The following WDFY2 variants were observed in gnomAD, a reference collection of about 807,000 sequenced individuals.
WDFY2 encodes the protein WD repeat and FYVE domain-containing protein 2.
In WDFY2, 36 loss-of-function variants were observed where a neutral mutation model predicts 56.4. That is an observed-to-expected ratio of 0.64 (90% CI 0.49 to 0.84). WDFY2 has a LOEUF of 0.84. Ranked by LOEUF, WDFY2 falls within the 40% of genes least tolerant of loss-of-function variation. The pLI, the probability that WDFY2 is intolerant of heterozygous loss-of-function variation, is 0.00. For missense variants in WDFY2, 444 were observed against 512.2 expected (o/e 0.87, Z 1.29); for synonymous variants, 176 against 183.7 (o/e 0.96, Z 0.34).
chr13:51,620,845 T>A (rs1442096200), intron 1 of WDFY2, among the ~76,000 whole-genome samples: 1 of 152,152 alleles, frequency 6.6e-6, no homozygotes, highest in Non-Finnish European at 1.5e-5. Flanking sequence ...CAGCACTGCT[T>A]CCAAGAGGGA....
intron 7 of WDFY2, 61 bp downstream of exon 7, chr13:51,739,236 C>T (rs1018253817): frequency 1.2e-4 from 177 of 1,506,572 alleles, no homozygotes; most frequent in Non-Finnish European, 1.4e-4. Flanking sequence ...ACAGCTAGAA[C>T]AAAGGAGTGC....
At chr13:51,637,777 C>G (rs1267720825) in intron 1 of WDFY2, among the ~76,000 whole-genome samples, 1 of 152,152 alleles carries the variant, frequency 6.6e-6, no homozygotes, top group African/African-American at 2.4e-5. Context: ...GAGATGTGCT[C>G]TGCTACAAGG....
At position 51,624,743 on chromosome 13, in the gene WDFY2, T is replaced by C. The variant is rs368580238; in HGVS notation, c.138-35853T>C. ...AAAAAAGGAATGGCTAGAGCACTTC[T>C]CACAGAGGCAACATCTGAGCAAAGA... On this transcript the variant is annotated intron_variant, in intron 1 of 11. Coordinates refer to ENST00000298125, the MANE Select transcript of WDFY2 (RefSeq NM_052950.4). Among the ~76,000 whole-genome samples, 6 of 152,324 alleles carry C rather than the reference T, an allele frequency of 3.9e-5. No homozygotes were observed. The East Asian group carries it at 1.2e-3, about 29-fold the overall frequency.
chr13:51,615,782 CTATG>C (rs367848827), intron 1 of WDFY2, among the ~76,000 whole-genome samples: 10 of 151,922 alleles, frequency 6.6e-5, no homozygotes, highest in Non-Finnish European at 1.3e-4. Context: ...TAAAAAAAAT[CTATG>C]TATGCATATA....
chr13:51,585,713 C>A (rs1001152109), intron 1 of WDFY2, among the ~76,000 whole-genome samples: 15 of 152,100 alleles, frequency 9.9e-5, no homozygotes, highest in African/African-American at 3.6e-4. Flanking sequence ...AGCATTCTTA[C>A]AAAAGAACAC....
chr13:51,762,552 TTAAG>T lies in WDFY2; in HGVS notation c.*2785_*2788del, dbSNP rs1444447038. On this transcript the variant is annotated 3_prime_UTR_variant, in exon 12 of 12. Transcript: ENST00000298125. ...ATACTGTGAATTCTTGCGTTTTGCA[TTAAG>T]TGTCTCCCCCATTTTTGTAATTTGT... The T allele has an allele frequency of 6.6e-6, 1 of 152,258 alleles. No homozygotes were observed. Among genetic ancestry groups the T allele is most frequent in the Non-Finnish European group, 1.5e-5 (1 of 68,050 alleles). The allele number at this position is 152,258 out of a possible 1,614,324, so 9.4% of individuals were successfully genotyped here. A position where few individuals can be genotyped will look rare whatever the true frequency, so the allele number is the denominator to read the frequency against.
At chr13:51,644,729 G>A (rs1955234504) in intron 1 of WDFY2, among the ~76,000 whole-genome samples, 1 of 152,142 alleles carries the variant, frequency 6.6e-6, no homozygotes, top group Admixed American at 6.5e-5. Flanking sequence ...AAAAAGTCCA[G>A]GTGTATGATT....
intron 1 of WDFY2, among the ~76,000 whole-genome samples, chr13:51,606,345 G>T (rs1318545620): frequency 1.3e-5 from 2 of 152,148 alleles, no homozygotes; most frequent in Non-Finnish European, 2.9e-5. Context: ...ATTAATCCAA[G>T]AATTTATCTA....
rs56054205 is a variant in WDFY2 at position 51,707,939 on chromosome 13, C to CTTTTTTTT, written c.334+4314_334+4321dup. ...ATATATACTATTAACCCTAAAACAA[C>CTTTTTTTT]TTTTTTTTTTTTTTTTTTTTTTTTT... On this transcript the variant is annotated intron_variant, in intron 4 of 11. Coordinates refer to ENST00000298125, the MANE Select transcript of WDFY2 (RefSeq NM_052950.4). 2.6e-3 allele frequency among the ~76,000 whole-genome samples: 147 copies of CTTTTTTTT among 57,566 alleles called. 15 individuals carry two copies. Among genetic ancestry groups the CTTTTTTTT allele is most frequent in the African/African-American group, 3.1e-3 (44 of 13,980 alleles). 37.8% of individuals were successfully genotyped at this position (57,566 alleles called of 152,430 possible).
chr13:51,601,932 C>T (rs958256966), intron 1 of WDFY2, among the ~76,000 whole-genome samples: 7 of 152,186 alleles, frequency 4.6e-5, no homozygotes, highest in Non-Finnish European at 8.8e-5. Context: ...AATGACAATA[C>T]AAATTAAATA....
chr13:51,680,997 G>A (rs1955967985), intron 3 of WDFY2, among the ~76,000 whole-genome samples: 1 of 152,164 alleles, frequency 6.6e-6, no homozygotes, highest in South Asian at 2.1e-4. Context: ...TGTTGGGTTG[G>A]GGGCAGGAAT....
At chr13:51,756,574 A>G in intron 10 of WDFY2, 112 bp downstream of exon 10, 1 of 1,439,988 alleles carries the variant, frequency 6.9e-7, no homozygotes, top group Non-Finnish European at 9.1e-7. Context: ...GCTGGTTTAG[A>G]ATATAGTCCA....
chr13:51,642,374 A>G (rs964597090), intron 1 of WDFY2, among the ~76,000 whole-genome samples: 2 of 151,562 alleles, frequency 1.3e-5, no homozygotes, highest in African/African-American at 4.8e-5. Flanking sequence ...TGCAACCTCC[A>G]CCTCCCAGGC....
intron 1 of WDFY2, among the ~76,000 whole-genome samples, chr13:51,615,044 A>G (rs1053213710): frequency 2.0e-5 from 3 of 152,236 alleles, no homozygotes; most frequent in Admixed American, 6.5e-5. Context: ...TGTTCTCTCA[A>G]TTGATTTATT....
At chr13:51,669,119 T>C in intron 2 of WDFY2, among the ~76,000 whole-genome samples, 1 of 152,316 alleles carries the variant, frequency 6.6e-6, no homozygotes, top group Non-Finnish European at 1.5e-5. Context: ...TCTGCTGAGA[T>C]TTTTATGCTG....
intron 3 of WDFY2, among the ~76,000 whole-genome samples, chr13:51,679,831 C>A (rs1237502558): frequency 6.6e-6 from 1 of 152,110 alleles, no homozygotes; most frequent in East Asian, 1.9e-4. Context: ...CAATCCTTGG[C>A]ATTCCGTGGC....
chr13:51,755,573 C>T (rs1953353730), intron 9 of WDFY2, 114 bp downstream of exon 9: 1 of 909,412 alleles, frequency 1.1e-6, no homozygotes, highest in African/African-American at 1.7e-5. Context: ...AAATTATTAT[C>T]CTGGAGTCAC....
At chr13:51,755,794 T>C (rs1438667132) in intron 9 of WDFY2, among the ~76,000 whole-genome samples, 5 of 152,180 alleles carry the variant, frequency 3.3e-5, no homozygotes, top group Non-Finnish European at 7.4e-5. Context: ...TCTCTCTCCT[T>C]ATTTTACTTT....
rs1953227776 is a variant in WDFY2, at chr13:51,751,226, A to G, written c.726-84A>G. 3.0e-6 allele frequency: 4 copies of G among 1,345,534 alleles called. No homozygotes were observed. The South Asian group carries it at 5.4e-5, about 18-fold the overall frequency. The allele number at this position is 1,345,534 out of a possible 1,614,324, so 83.3% of individuals were successfully genotyped here. On this transcript the variant is annotated intron_variant, in intron 7 of 11. Coordinates refer to ENST00000298125, the MANE Select transcript of WDFY2 (RefSeq NM_052950.4). ...CTGGGGGCTCGGAGTGAGTGAGCAC[A>G]TTGGCTGACTTTGCCAAGGTTTCTG...
Sources: allele counts gnomAD v4.1 joint callset (sites outside exome capture counted in the v4.1 genomes callset), GRCh38; gene constraint gnomAD v4.1.1; transcripts MANE v1.5; gene names NCBI Gene and HGNC (gene_info 2026-07-23, HGNC 2026-07-21).